AGPAT3: variants seen among roughly 807,000 people sequenced by gnomAD.
AGPAT3 encodes 1-acylglycerol-3-phosphate O-acyltransferase 3, also known as 1-acyl-sn-glycerol-3-phosphate acyltransferase gamma.
Under a neutral mutation model 47.3 loss-of-function variants are expected in AGPAT3, and 5 were observed. That is an observed-to-expected ratio of 0.11 (90% CI 0.06 to 0.22). The LOEUF (loss-of-function observed/expected upper bound fraction) is 0.22. Ranked by LOEUF, AGPAT3 falls within the 10% of genes least tolerant of loss-of-function variation. The pLI is 1.00. For missense variants in AGPAT3, 315 were observed against 493.0 expected (o/e 0.64, Z 3.42); for synonymous variants, 212 against 208.3 (o/e 1.02, Z -0.15).
chr21:43,904,032 T>C lies in AGPAT3; in HGVS notation c.-49+13T>C, dbSNP rs1401883686. The C allele has an allele frequency of 6.6e-6, 1 of 152,092 alleles. No individual in the cohort carries two copies. The highest frequency in any genetic ancestry group is 2.4e-5 in the African/African-American group (1 of 41,192). The allele number at this position is 152,092 out of a possible 1,614,324, so 9.4% of individuals were successfully genotyped here. ...ACCTTGTGCCTTGGTAAGTGGGCAG[T>C]GAGGCCGCCTGACGCAGGGCGCCGT... On this transcript the variant is annotated intron_variant, in intron 2 of 9. Transcript: ENST00000291572.
At chr21:43,980,378 G>A (rs1459663875) in intron 8 of AGPAT3, among the ~76,000 whole-genome samples, 1 of 152,116 alleles carries the variant, frequency 6.6e-6, no homozygotes, top group Non-Finnish European at 1.5e-5. Flanking sequence ...ACGGGCAGTG[G>A]CTGCGGAGTG....
At position 43,922,038 on chromosome 21, in the gene AGPAT3, C is replaced by T. The variant is rs936573959; in HGVS notation, c.-49+18019C>T. On this transcript the variant is annotated intron_variant, in intron 2 of 9. Coordinates refer to ENST00000291572, the MANE Select transcript of AGPAT3 (RefSeq NM_020132.5). The surrounding 1 kb of genome is among the most constrained non-coding windows in gnomAD (Gnocchi z 4.9). Reference sequence around the variant, plus strand: ...CATTTTTGTGAAGGTTTAGCAAATACTTGATAGATTGTTGTGAGAATGTGG... The same window carrying T: ...CATTTTTGTGAAGGTTTAGCAAATATTTGATAGATTGTTGTGAGAATGTGG... Among the ~76,000 whole-genome samples the T allele has an allele frequency of 1.3e-5, 2 of 152,120 alleles. No individual in the cohort carries two copies. Among genetic ancestry groups the T allele is most frequent in the African/African-American group, 4.8e-5 (2 of 41,396 alleles).
intron 2 of AGPAT3, among the ~76,000 whole-genome samples, chr21:43,925,706 T>C (rs1449822628): frequency 1.3e-5 from 2 of 152,236 alleles, no homozygotes; most frequent in African/African-American, 4.8e-5. Flanking sequence ...TTGTTGCCCC[T>C]GCACCCCATA....
intron 1 of AGPAT3, among the ~76,000 whole-genome samples, chr21:43,896,016 C>T (rs994962552): frequency 6.6e-6 from 1 of 152,226 alleles, no homozygotes; most frequent in African/African-American, 2.4e-5. Context: ...GATCCACCCA[C>T]CTTAGTCTCC....
rs554529418 is a variant in AGPAT3, at chr21:43,898,647, C to T, written c.-111-5310C>T. Among the ~76,000 whole-genome samples, 31 of 152,288 alleles carry T rather than the reference C, an allele frequency of 2.0e-4. No individual in the cohort carries two copies. The South Asian group carries it at 2.7e-3, about 13-fold the overall frequency. On this transcript the variant is annotated intron_variant, in intron 1 of 9. Coordinates refer to ENST00000291572, the MANE Select transcript of AGPAT3 (RefSeq NM_020132.5). ...GTTCAAGCAATTCTCCTGCCTCAGCCTCCTGAGTAGCTGGGATTACAGGCA... is the reference window on the plus strand; with the variant it reads ...GTTCAAGCAATTCTCCTGCCTCAGCTTCCTGAGTAGCTGGGATTACAGGCA...
chr21:43,904,936 C>T (rs17260553), intron 2 of AGPAT3, among the ~76,000 whole-genome samples: 7,425 of 152,198 alleles, frequency 0.049, 237 homozygotes, highest in African/African-American at 0.081. Flanking sequence ...GTGATTTAGC[C>T]TTCTGTGTCC....
intron 1 of AGPAT3, among the ~76,000 whole-genome samples, chr21:43,887,610 T>C (rs2086010085): frequency 6.6e-6 from 1 of 152,202 alleles, no homozygotes; most frequent in Admixed American, 6.5e-5. Flanking sequence ...ACAACTGCGC[T>C]CTCCTCAAAT....
chr21:43,951,100 C>A (rs2088171054), intron 2 of AGPAT3, among the ~76,000 whole-genome samples: 1 of 152,218 alleles, frequency 6.6e-6, no homozygotes, highest in Admixed American at 6.5e-5. Context: ...GAGCCCGGGG[C>A]TCACCGTGGT....
At chr21:43,877,521 C>T (rs1049509576) in intron 1 of AGPAT3, among the ~76,000 whole-genome samples, 5 of 152,108 alleles carry the variant, frequency 3.3e-5, no homozygotes, top group Admixed American at 2.0e-4. Flanking sequence ...TGGCTCACCA[C>T]AACTTCCGCC....
intron 2 of AGPAT3, among the ~76,000 whole-genome samples, chr21:43,949,678 G>A (rs946515264): frequency 6.6e-6 from 1 of 152,206 alleles, no homozygotes; most frequent in Non-Finnish European, 1.5e-5. Flanking sequence ...CTGGTCACAC[G>A]GGGTTTTTCC....
chr21:43,912,410 G>T (rs1372757414), intron 2 of AGPAT3, among the ~76,000 whole-genome samples: 2 of 152,260 alleles, frequency 1.3e-5, no homozygotes, highest in Admixed American at 6.5e-5. Context: ...ATGGCAGGCA[G>T]CCCCCGTGGG....
Position 43,985,319 on chromosome 21 carries a change from G to A in AGPAT3, c.*2927G>A, listed in dbSNP as rs756341915. The A allele has an allele frequency of 2.4e-5, 10 of 415,490 alleles. No individual in the cohort carries two copies. Among genetic ancestry groups the A allele is most frequent in the South Asian group, 1.4e-4 (8 of 58,562 alleles). 25.7% of individuals were successfully genotyped at this position (415,490 alleles called of 1,614,324 possible). A position where few individuals can be genotyped will look rare whatever the true frequency, so the allele number is the denominator to read the frequency against. On this transcript the variant is annotated 3_prime_UTR_variant, in exon 10 of 10. Coordinates refer to ENST00000291572, the MANE Select transcript of AGPAT3 (RefSeq NM_020132.5). ...TTTAAGGTCCCTGTCCTCAGGAAGC[G>A]CAGTCTGGTGGAAGAGATGAGCGCT...
chr21:43,922,352 G>A lies in AGPAT3; in HGVS notation c.-49+18333G>A, dbSNP rs1046224410. Among the ~76,000 whole-genome samples the A allele has an allele frequency of 4.6e-5, 7 of 152,206 alleles. No homozygotes were observed. Among genetic ancestry groups the A allele is most frequent in the Non-Finnish European group, 8.8e-5 (6 of 68,042 alleles). The stretch of plus-strand genomic sequence containing the variant: ...GGGGGAAGCGTGCGTGCGAAGGAGT[G>A]CAGCCCCCAGGACGCTGGGCCGAGC... On this transcript the variant is annotated intron_variant, in intron 2 of 9. Transcript: ENST00000291572. The surrounding 1 kb of genome is among the most constrained non-coding windows in gnomAD (Gnocchi z 4.9).
At chr21:43,977,137 C>T (rs73373136) in intron 7 of AGPAT3, among the ~76,000 whole-genome samples, 232 of 152,252 alleles carry the variant, frequency 1.5e-3, no homozygotes, top group African/African-American at 5.1e-3. Context: ...GAGGTGTCAA[C>T]TTGTGGGCTG....
In AGPAT3 at chr21:43,986,098, T is replaced by C. The variant is rs1316230095; in HGVS notation, c.*3706T>C. The C allele has an allele frequency of 6.6e-6, 1 of 152,228 alleles. No homozygotes were observed. The highest frequency in any genetic ancestry group is 1.5e-5 in the Non-Finnish European group (1 of 68,048). 9.4% of individuals were successfully genotyped at this position (152,228 alleles called of 1,614,324 possible). On this transcript the variant is annotated 3_prime_UTR_variant, in exon 10 of 10. Coordinates refer to ENST00000291572, the MANE Select transcript of AGPAT3 (RefSeq NM_020132.5). ...GACCTGGGGGATGCAGACATCCGGC[T>C]CCGTATTCCTGCCTATCGGGGCCAG... is the stretch of plus-strand genomic sequence containing the variant.
intron 2 of AGPAT3, among the ~76,000 whole-genome samples, chr21:43,944,242 C>T (rs574806052): frequency 6.6e-6 from 1 of 152,390 alleles, no homozygotes; most frequent in Admixed American, 6.5e-5. Flanking sequence ...GCCCTCGCCA[C>T]TCTGGAGCGA....
chr21:43,894,106 G>A (rs1476026226), intron 1 of AGPAT3, among the ~76,000 whole-genome samples: 3 of 152,146 alleles, frequency 2.0e-5, no homozygotes, highest in South Asian at 2.1e-4. Context: ...GCTCGTGAGT[G>A]AGACTGCTCC....
In AGPAT3 at chr21:43,982,343, T is replaced by G. The variant is rs1478851117; in HGVS notation, c.1082T>G (p.Ile361Arg). 1 of 1,613,930 alleles carries G rather than the reference T, an allele frequency of 6.2e-7. No individual in the cohort carries two copies. Among genetic ancestry groups the G allele is most frequent in the Non-Finnish European group, 8.5e-7 (1 of 1,179,932 alleles). Residue 361 changes from isoleucine to arginine, a missense_variant, in exon 10 of 10, where the codon ATA becomes AGA. Ile to Arg is a moderately conservative substitution (Grantham distance 97). Coordinates refer to ENST00000291572, the MANE Select transcript of AGPAT3 (RefSeq NM_020132.5). This position sits in a 1 kb window ranked among gnomAD's most constrained non-coding sequence, Gnocchi z 6.2. ...CGCAGACTGATAGGAGTAACTGAGA[T>G]AGAAAAAGGCTCCAGCTACGGAAAC... ...GVRRLIGVTE[I>R]EKGSSYGNQE...
At position 43,981,032 on chromosome 21, in the gene AGPAT3, G is replaced by C. The variant is rs1206041908; in HGVS notation, c.887G>C (p.Gly296Ala). ...TATAATCAGAAGGGCATGTTTCCAGGGGAGCAGTTTAAGCCTGCCCGGAGG... is the reference window on the plus strand; with the variant it reads ...TATAATCAGAAGGGCATGTTTCCAGCGGAGCAGTTTAAGCCTGCCCGGAGG... ...EIYNQKGMFP[G>A]EQFKPARRPW... Residue 296 changes from glycine (G) to alanine (A), a missense_variant, in exon 9 of 10, where the codon GGG becomes GCG. By Grantham distance (60) the Gly-to-Ala change is moderately conservative. Transcript: ENST00000291572. The surrounding 1 kb of genome is among the most constrained non-coding windows in gnomAD (Gnocchi z 5.3). 3 of 1,614,028 alleles carry C rather than the reference G, an allele frequency of 1.9e-6. No individual in the cohort carries two copies. Among genetic ancestry groups the C allele is most frequent in the Non-Finnish European group, 2.5e-6 (3 of 1,180,032 alleles).
Sources: gnomAD v4.1 joint callset for allele counts (sites outside exome capture counted in the v4.1 genomes callset) on GRCh38, gnomAD v4.1.1 for gene constraint, Gnocchi (gnomAD v3.1) non-coding constraint, MANE v1.5 for transcripts, NCBI Gene and HGNC (gene_info 2026-07-23, HGNC 2026-07-21) for gene names.